The following OSBPL10 variants were observed in gnomAD, a reference collection of about 807,000 sequenced individuals.
The protein encoded by OSBPL10 is oxysterol-binding protein-related protein 10.
Under a neutral mutation model 81.7 loss-of-function variants are expected in OSBPL10, and 49 were observed. That is an observed-to-expected ratio of 0.60 (90% confidence interval 0.48 to 0.76). The LOEUF (loss-of-function observed/expected upper bound fraction) is 0.76. OSBPL10 is among the 30% of genes least tolerant of loss of function. The pLI is 0.00. For missense variants in OSBPL10, 923 were observed against 987.8 expected (o/e 0.93, Z 0.88); for synonymous variants, 419 against 383.6 (o/e 1.09, Z -1.08).
At chr3:31,747,792 T>C (rs2290531) in intron 5 of OSBPL10, 118 bp downstream of exon 5, 568,491 of 1,045,268 alleles carry the variant, frequency 0.54, 157,970 homozygotes, top group East Asian at 0.79. Context: ...AATACTTGGA[T>C]ATAAGGATAG....
chr3:31,831,145 AC>A (rs1700229488), intron 3 of OSBPL10, among the ~76,000 whole-genome samples: 1 of 152,126 alleles, frequency 6.6e-6, no homozygotes, highest in Admixed American at 6.5e-5. Context: ...GGTGGCTCAC[AC>A]CTGTAATCCC....
intron 8 of OSBPL10, among the ~76,000 whole-genome samples, chr3:31,682,232 T>C (rs1700667800): frequency 6.6e-6 from 1 of 152,188 alleles, no homozygotes; most frequent in South Asian, 2.1e-4. Flanking sequence ...CCAGGGTCTG[T>C]TTTCAACAAA....
intron 5 of OSBPL10, among the ~76,000 whole-genome samples, chr3:31,734,107 T>C (rs991185699): frequency 3.9e-5 from 6 of 152,166 alleles, no homozygotes; most frequent in Middle Eastern, 3.4e-3. Flanking sequence ...AGTGACACAA[T>C]GGCCATGGCT....
At chr3:31,669,801 C>T (rs1700280471) in intron 9 of OSBPL10, among the ~76,000 whole-genome samples, 1 of 152,158 alleles carries the variant, frequency 6.6e-6, no homozygotes, top group South Asian at 2.1e-4. Flanking sequence ...TTCCTTAAGG[C>T]CCAGCTCAGG....
intron 1 of OSBPL10, among the ~76,000 whole-genome samples, chr3:31,957,723 C>T (rs1229430470): frequency 6.6e-6 from 1 of 152,208 alleles, no homozygotes; most frequent in Non-Finnish European, 1.5e-5. Context: ...TCACTGCAAC[C>T]TCCGTCTCCG....
chr3:32,010,306 G>A (rs1209526188), intron 2 of OSBPL10, among the ~76,000 whole-genome samples: 2 of 152,190 alleles, frequency 1.3e-5, no homozygotes, highest in African/African-American at 2.4e-5. Flanking sequence ...CTAGAACTAT[G>A]AGAAAATAAA....
At chr3:31,668,883 A>G in intron 9 of OSBPL10, 59 bp from the exon 10 acceptor site, 1 of 1,406,096 alleles carries the variant, frequency 7.1e-7, no homozygotes, top group Non-Finnish European at 9.5e-7. Context: ...AGAGACTTCA[A>G]AGGTACACCC....
intron 6 of OSBPL10, chr3:31,714,881 C>A: frequency 6.6e-6 from 1 of 152,310 alleles, no homozygotes; most frequent in Non-Finnish European, 1.5e-5. Context: ...TGTCTTGTAC[C>A]ACACCACCAG....
intron 2 of OSBPL10, among the ~76,000 whole-genome samples, chr3:32,044,741 C>CAAA (rs34855965): frequency 2.2e-3 from 147 of 67,000 alleles, no homozygotes; most frequent in African/African-American, 3.0e-3. Flanking sequence ...AACTCCATCT[C>CAAA]AAAAAAAAAA....
intron 3 of OSBPL10, among the ~76,000 whole-genome samples, chr3:31,841,912 G>C (rs563311260): frequency 6.6e-6 from 1 of 152,250 alleles, no homozygotes; most frequent in African/African-American, 2.4e-5. Context: ...ATAAAAGTGA[G>C]CTGCTAAAAA....
intron 1 of OSBPL10, among the ~76,000 whole-genome samples, chr3:31,890,190 T>C (rs548296972): frequency 1.3e-5 from 2 of 149,970 alleles, no homozygotes; most frequent in East Asian, 1.9e-4. Context: ...CTGTTTTCCA[T>C]CTGGTATGCC....
At chr3:31,773,223 T>A (rs1698433341) in intron 4 of OSBPL10, among the ~76,000 whole-genome samples, 1 of 152,174 alleles carries the variant, frequency 6.6e-6, no homozygotes, top group Non-Finnish European at 1.5e-5. Flanking sequence ...TTGGATGTAC[T>A]ACATTTTGAT....
chr3:31,760,248 G>A (rs938079099), intron 4 of OSBPL10, among the ~76,000 whole-genome samples: 6 of 152,144 alleles, frequency 3.9e-5, no homozygotes, highest in African/African-American at 1.4e-4. Context: ...GAGGTGAAAG[G>A]AGAGGCAGTC....
chr3:31,929,056 G>T (rs1398219132), intron 1 of OSBPL10, among the ~76,000 whole-genome samples: 3 of 152,142 alleles, frequency 2.0e-5, no homozygotes, highest in African/African-American at 7.2e-5. Context: ...GAAACATCCA[G>T]CTAGGATTAA....
At chr3:31,768,192 C>A (rs1428794403) in intron 4 of OSBPL10, among the ~76,000 whole-genome samples, 1 of 152,074 alleles carries the variant, frequency 6.6e-6, no homozygotes, top group Non-Finnish European at 1.5e-5. Context: ...TGTCTCTTAG[C>A]ATGTTAATGC....
At chr3:32,004,134 TTTC>T (rs1699179425) in intron 2 of OSBPL10, among the ~76,000 whole-genome samples, 1 of 152,218 alleles carries the variant, frequency 6.6e-6, no homozygotes, top group East Asian at 1.9e-4. Flanking sequence ...TTTTAAATGA[TTTC>T]TTATTTAAAA....
Position 31,847,485 on chromosome 3 carries a change from A to C in OSBPL10, c.538-17254T>G, listed in dbSNP as rs4603994. Among the ~76,000 whole-genome samples the C allele has an allele frequency of 2.6e-5, 4 of 152,006 alleles. No homozygotes were observed. The South Asian group carries it at 8.3e-4, about 32-fold the overall frequency. On this transcript the variant is annotated intron_variant, in intron 3 of 11. Transcript: ENST00000396556. The stretch of plus-strand genomic sequence containing the variant: ...ATTACAGGTGTGAGCCACCACGCCC[A>C]GCCTATTACTTCTCTCACTGTGGTA...
intron 2 of OSBPL10, among the ~76,000 whole-genome samples, chr3:32,011,194 T>C (rs1385020245): frequency 6.6e-6 from 1 of 152,076 alleles, no homozygotes; most frequent in African/African-American, 2.4e-5. Flanking sequence ...CACCCCCCAG[T>C]AGGGGCAGAC....
chr3:31,953,424 T>C (rs2125449002), intron 1 of OSBPL10, among the ~76,000 whole-genome samples: 1 of 151,964 alleles, frequency 6.6e-6, no homozygotes, highest in East Asian at 1.9e-4. Context: ...TCTGTTGTTG[T>C]TGTTGTTGCT....
Sources: allele counts gnomAD v4.1 joint callset (sites outside exome capture counted in the v4.1 genomes callset), GRCh38; gene constraint gnomAD v4.1.1; transcripts MANE v1.5; gene names NCBI Gene and HGNC (gene_info 2026-07-23, HGNC 2026-07-21).